Variants in ADCY9 observed in about 807,000 individuals in gnomAD.
The protein encoded by ADCY9 is adenylate cyclase 9.
A neutral mutation model predicts 101.5 loss-of-function variants in ADCY9; 50 were observed. The observed-to-expected ratio is 0.49, with a 90% CI of 0.39 to 0.62. The LOEUF (loss-of-function observed/expected upper bound fraction) is 0.62, where lower values mean the gene tolerates loss of function less well. Among genes scored for constraint, ADCY9 ranks in the 20% least tolerant of loss-of-function variants. ADCY9 has a pLI of 0.00. For synonymous variants in ADCY9, 905 were observed against 769.3 expected, an observed-to-expected ratio of 1.18 and a Z score of -2.92; for missense variants, 1,662 against 1,800.4, an observed-to-expected ratio of 0.92 and a Z score of 1.39.
At position 4,097,547 on chromosome 16, in the gene ADCY9, ATATATATTTTT is replaced by A. The variant is rs1357200609; in HGVS notation, c.1693+16192_1693+16202del. Among the ~76,000 whole-genome samples, 30 of 46,692 alleles carry A rather than the reference ATATATATTTTT, an allele frequency of 6.4e-4. 3 individuals are homozygous for A. The highest frequency in any genetic ancestry group is 3.6e-3 in the African/African-American group (27 of 7,400). 30.6% of individuals were successfully genotyped at this position (46,692 alleles called of 152,430 possible). ...TATGTACATATATATATATATATAT[ATATATATTTTT>A]TTTTTTTTTTTTTAAGACAGAGTCT... is the stretch of plus-strand genomic sequence containing the variant. On this transcript the variant is annotated intron_variant, in intron 2 of 10. Coordinates refer to ENST00000294016, the MANE Select transcript of ADCY9 (RefSeq NM_001116.4).
At chr16:4,072,994 G>GAAAAAAA (rs59730727) in intron 2 of ADCY9, among the ~76,000 whole-genome samples, 10 of 129,668 alleles carry the variant, frequency 7.7e-5, no homozygotes, top group East Asian at 4.5e-4. Flanking sequence ...TATCCTAAAA[G>GAAAAAAA]AAAAAAAAAA....
At chr16:4,113,581 A>G (rs1393205992) in intron 2 of ADCY9, among the ~76,000 whole-genome samples, 169 bp downstream of exon 2, 1 of 152,030 alleles carries the variant, frequency 6.6e-6, no homozygotes, top group African/African-American at 2.4e-5. Flanking sequence ...CAGATCTGTG[A>G]TATTTGACCC....
intron 2 of ADCY9, among the ~76,000 whole-genome samples, chr16:4,045,857 CTTTTTTTCTTTCTTTTTTTTTT>C (rs1321336878): frequency 2.3e-5 from 3 of 128,438 alleles, no homozygotes; most frequent in African/African-American, 9.1e-5. Flanking sequence ...CACCACCATG[CTTTTTTTCTTTCTTTTTTTTTT>C]TTTTTTTTTT....
At chr16:4,099,649 A>G (rs1158368125) in intron 2 of ADCY9, among the ~76,000 whole-genome samples, 2 of 152,236 alleles carry the variant, frequency 1.3e-5, no homozygotes, top group Non-Finnish European at 2.9e-5. Context: ...AAATGGGACA[A>G]TCTGAGCATC....
intron 5 of ADCY9, among the ~76,000 whole-genome samples, chr16:3,955,384 G>A (rs1185807718): frequency 3.3e-5 from 5 of 152,064 alleles, no homozygotes; most frequent in Admixed American, 1.3e-4. Flanking sequence ...TAAAACAGTT[G>A]CACCTTATCT....
intron 2 of ADCY9, among the ~76,000 whole-genome samples, chr16:4,066,587 G>C (rs77814636): frequency 6.6e-6 from 1 of 152,014 alleles, no homozygotes; most frequent in Non-Finnish European, 1.5e-5. Context: ...AGGTCTCGCT[G>C]TTGCCCAGGC....
At chr16:3,982,239 C>T (rs992063095) in intron 7 of ADCY9, 2 of 152,446 alleles carry the variant, frequency 1.3e-5, no homozygotes, top group Non-Finnish European at 2.9e-5. Context: ...AGCCTGCCCA[C>T]CCCAGATGGG....
chr16:4,090,440 C>T (rs1467527445), intron 2 of ADCY9, among the ~76,000 whole-genome samples: 1 of 152,028 alleles, frequency 6.6e-6, no homozygotes, highest in East Asian at 1.9e-4. Flanking sequence ...GAACTGATGA[C>T]AGTGTTTGGG....
intron 2 of ADCY9, among the ~76,000 whole-genome samples, chr16:4,035,530 T>A (rs1329349145): frequency 1.3e-5 from 2 of 152,140 alleles, no homozygotes; most frequent in Non-Finnish European, 2.9e-5. Context: ...CGTGCACACA[T>A]GCTTAGATTG....
At chr16:4,096,984 T>C (rs926647914) in intron 2 of ADCY9, among the ~76,000 whole-genome samples, 1 of 152,168 alleles carries the variant, frequency 6.6e-6, no homozygotes, top group African/African-American at 2.4e-5. Context: ...GAAACAGGCA[T>C]GCTGGTTTTC....
intron 2 of ADCY9, among the ~76,000 whole-genome samples, chr16:4,033,255 G>T (rs2056568032): frequency 6.6e-6 from 1 of 152,034 alleles, no homozygotes; most frequent in Non-Finnish European, 1.5e-5. Context: ...CTACAAAAAT[G>T]ACAGAGACAA....
At chr16:4,046,586 G>C (rs1188146446) in intron 2 of ADCY9, among the ~76,000 whole-genome samples, 1 of 152,114 alleles carries the variant, frequency 6.6e-6, no homozygotes, top group African/African-American at 2.4e-5. Flanking sequence ...TCTACTTCAT[G>C]AAAAAGTACT....
At chr16:4,036,472 T>G (rs1233382711) in intron 2 of ADCY9, among the ~76,000 whole-genome samples, 3 of 143,698 alleles carry the variant, frequency 2.1e-5, no homozygotes, top group African/African-American at 7.7e-5. Flanking sequence ...GTTTTTTTTT[T>G]TTTTTTTTTT....
In ADCY9 at chr16:3,974,682, C is replaced by G. The variant is rs950171987; in HGVS notation, c.2857G>C (p.Val953Leu). 7.4e-6 allele frequency: 12 copies of G among 1,612,824 alleles called. No individual in the cohort carries two copies. The Admixed American group carries it at 1.0e-4, about 13-fold the overall frequency. The change falls in exon 10 of 11, where the codon GTA becomes CTA. Residue 953 changes from valine to leucine, a missense_variant. By Grantham distance (32) the Val-to-Leu change is conservative. Around this residue, in one of 5 missense-constraint regions of ADCY9, gnomAD observed 624 missense variants for 639.1 expected, o/e 0.98. Transcript: ENST00000294016. Reference sequence around the variant, plus strand: ...TTAAAAGCTTACCTGAAATTCTGTACTGCGTCAAGGGGCGAAGTTAATACA... The same window carrying G: ...TTAAAAGCTTACCTGAAATTCTGTAGTGCGTCAAGGGGCGAAGTTAATACA... ...SSVLTSPLDA[V>L]QNFSSERNPC...
At chr16:4,013,476 G>T (rs998774210) in intron 2 of ADCY9, among the ~76,000 whole-genome samples, 3 of 152,214 alleles carry the variant, frequency 2.0e-5, no homozygotes, top group East Asian at 1.9e-4. Context: ...AGAAAGAGAA[G>T]AATAATCAGG....
intron 2 of ADCY9, among the ~76,000 whole-genome samples, chr16:4,070,236 C>T (rs1417079660): frequency 7.2e-6 from 1 of 138,306 alleles, no homozygotes; most frequent in Non-Finnish European, 1.6e-5. Context: ...AGAAAATAAG[C>T]TTTATCGTTA....
chr16:4,074,859 T>C (rs549934674), intron 2 of ADCY9, among the ~76,000 whole-genome samples: 4 of 152,154 alleles, frequency 2.6e-5, no homozygotes, highest in African/African-American at 7.2e-5. Context: ...CAAAGATTTA[T>C]TGAAAGTTGT....
chr16:3,963,066 G>A lies in ADCY9; in HGVS notation c.*2709C>T. Reference sequence around the variant, plus strand: ...TGTAACTGATGCTCTACATTTGTTTGCATTGGATAAAATTGTGTGTGCTTG... The same window carrying A: ...TGTAACTGATGCTCTACATTTGTTTACATTGGATAAAATTGTGTGTGCTTG... On this transcript the variant is annotated 3_prime_UTR_variant, in exon 11 of 11. Coordinates refer to ENST00000294016, the MANE Select transcript of ADCY9 (RefSeq NM_001116.4). The A allele has an allele frequency of 6.3e-6, 1 of 158,062 alleles. No homozygotes were observed. Among genetic ancestry groups the A allele is most frequent in the Non-Finnish European group, 1.2e-5 (1 of 80,688 alleles). 9.8% of individuals were successfully genotyped at this position (158,062 alleles called of 1,614,324 possible).
intron 3 of ADCY9, among the ~76,000 whole-genome samples, chr16:4,003,202 C>T (rs1008583183): frequency 3.3e-5 from 5 of 152,112 alleles, no homozygotes; most frequent in Admixed American, 1.3e-4. Flanking sequence ...TGGTTACGGC[C>T]GAGAGCATCC....
Sources: allele counts gnomAD v4.1 joint callset (sites outside exome capture counted in the v4.1 genomes callset), GRCh38; gene constraint gnomAD v4.1.1; regional missense constraint gnomAD v4.1.1; transcripts MANE v1.5; gene names NCBI Gene and HGNC (gene_info 2026-07-23, HGNC 2026-07-21).